BBS7: variants seen among roughly 807,000 people sequenced by gnomAD.
BBS7 encodes the protein Bardet-Biedl syndrome 7, also known as BBSome complex member BBS7.
In BBS7, 50 loss-of-function variants were observed where a neutral mutation model predicts 90.3. The ratio of observed to expected loss-of-function variants is 0.55; its 90% CI spans 0.44 to 0.70. The LOEUF is 0.70. BBS7 is among the 30% of genes least tolerant of loss of function. The pLI is 0.00. For synonymous variants in BBS7, 235 were observed against 287.4 expected (o/e 0.82, Z 1.85); for missense variants, 729 against 838.9 (o/e 0.87, Z 1.62).
Position 121,825,639 on chromosome 4 carries a change from T to A in BBS7, c.*221A>T. The stretch of plus-strand genomic sequence containing the variant: ...ATTCATTAAAATCCTATTTAAATCA[T>A]TCTACTTGTGTTTTAAAAATAAAAA... On this transcript the variant is annotated 3_prime_UTR_variant, in exon 19 of 19. Transcript: ENST00000264499. The A allele has an allele frequency of 2.3e-6, 1 of 436,284 alleles. No homozygotes were observed. Among genetic ancestry groups the A allele is most frequent in the East Asian group, 4.0e-5 (1 of 24,800 alleles). The allele number at this position is 436,284 out of a possible 1,614,324, so 27.0% of individuals were successfully genotyped here. A position where few individuals can be genotyped will look rare whatever the true frequency, so the allele number is the denominator to read the frequency against.
At chr4:121,853,165 A>C (rs959414992) in intron 7 of BBS7, 79 bp from the exon 8 acceptor site, 6 of 1,484,298 alleles carry the variant, frequency 4.0e-6, no homozygotes, top group Non-Finnish European at 5.6e-6. Context: ...GAATGAAAAA[A>C]ACACACATAC....
intron 13 of BBS7, among the ~76,000 whole-genome samples, chr4:121,836,115 C>A (rs913604431): frequency 6.6e-6 from 1 of 152,070 alleles, no homozygotes; most frequent in African/African-American, 2.4e-5. Flanking sequence ...ACTGGAAATT[C>A]TTTTGGGCTA....
At chr4:121,836,960 T>C (rs544361195) in intron 13 of BBS7, among the ~76,000 whole-genome samples, 1 of 135,578 alleles carries the variant, frequency 7.4e-6, no homozygotes, top group Admixed American at 7.6e-5. Flanking sequence ...GTGTTTTGGG[T>C]TTTTTTTGTT....
intron 14 of BBS7, 116 bp downstream of exon 14, chr4:121,835,028 T>C: frequency 9.7e-7 from 1 of 1,025,672 alleles, no homozygotes; most frequent in Non-Finnish European, 1.4e-6. Context: ...TTTAAACTGT[T>C]TATTTAATTT....
intron 2 of BBS7, among the ~76,000 whole-genome samples, chr4:121,865,450 G>A (rs887558159): frequency 6.6e-6 from 1 of 152,110 alleles, no homozygotes; most frequent in African/African-American, 2.4e-5. Flanking sequence ...TGTTGGCCAG[G>A]CTGGTCTCCA....
chr4:121,855,878 A>G (rs978687618), intron 5 of BBS7, among the ~76,000 whole-genome samples: 2 of 143,636 alleles, frequency 1.4e-5, no homozygotes, highest in African/African-American at 5.5e-5. Flanking sequence ...ATGTATATGT[A>G]CATATATGTA....
In BBS7 at chr4:121,825,519, TTA is replaced by T. The variant is rs1724866510; in HGVS notation, c.*339_*340del. On this transcript the variant is annotated 3_prime_UTR_variant, in exon 19 of 19. Transcript: ENST00000264499. The stretch of plus-strand genomic sequence containing the variant: ...GAAGCCTATAAAGCGGTCTACATGT[TTA>T]TGTGTTTATGTACCTTGTAATACAT... 5.4e-6 allele frequency: 1 copy of T among 186,352 alleles called. No homozygotes were observed. Among genetic ancestry groups the T allele is most frequent in the East Asian group, 1.4e-4 (1 of 7,038 alleles). 11.5% of individuals were successfully genotyped at this position (186,352 alleles called of 1,614,324 possible).
At chr4:121,838,903 CAAAA>C (rs35360596) in intron 13 of BBS7, among the ~76,000 whole-genome samples, 1 of 103,742 alleles carries the variant, frequency 9.6e-6, no homozygotes. Flanking sequence ...GACTCCATCT[CAAAA>C]AAAAAAAAAA....
At chr4:121,831,280 G>GA (rs1239436854) in intron 15 of BBS7, among the ~76,000 whole-genome samples, 6 of 151,992 alleles carry the variant, frequency 3.9e-5, no homozygotes, top group East Asian at 1.9e-4. Context: ...AGACAAGTAA[G>GA]AAAAAATGCT....
intron 5 of BBS7, among the ~76,000 whole-genome samples, chr4:121,855,840 A>G (rs1367211291): frequency 6.6e-6 from 1 of 151,600 alleles, no homozygotes; most frequent in Non-Finnish European, 1.5e-5. Flanking sequence ...ACACATATGT[A>G]TACATATATG....
In BBS7 at chr4:121,833,278, A is replaced by G; in HGVS notation, c.1629T>C (p.Phe543=). 6.2e-7 allele frequency: 1 copy of G among 1,614,040 alleles called. No homozygotes were observed. ...EKPPAGECVT[F]YFQNTFLDTQ... is the part of the protein sequence containing the mutation. ...TATCTAGAAAGGTGTTCTGAAAGTA[A>G]AATGTCACACATTCTCCTGCTGGAG... The change falls in exon 15 of 19, where the codon TTT becomes TTC. Residue 543 remains phenylalanine (F), a synonymous_variant. Transcript: ENST00000264499.
chr4:121,832,032 ACACACACACACAAAAC>A (rs1220186474), intron 15 of BBS7, among the ~76,000 whole-genome samples: 1 of 150,860 alleles, frequency 6.6e-6, no homozygotes, highest in Non-Finnish European at 1.5e-5. Context: ...ACACACACAC[ACACACACACACAAAAC>A]AAACAACCTA....
intron 4 of BBS7, 42 bp downstream of exon 4, chr4:121,861,462 T>C: frequency 6.4e-7 from 1 of 1,573,804 alleles, no homozygotes; most frequent in Non-Finnish European, 8.7e-7. Flanking sequence ...CAAAATATTA[T>C]AAATAAGTAT....
intron 5 of BBS7, chr4:121,858,684 A>C (rs1490237745): frequency 3.7e-6 from 1 of 269,550 alleles, no homozygotes; most frequent in Non-Finnish European, 7.1e-6. Context: ...TGGAAGAAGA[A>C]AACAAAACAA....
chr4:121,854,346 G>A (rs1247341704), intron 7 of BBS7, among the ~76,000 whole-genome samples: 1 of 152,076 alleles, frequency 6.6e-6, no homozygotes, highest in African/African-American at 2.4e-5. Context: ...AATATTCTCT[G>A]ACCCACTGCA....
At chr4:121,842,571 G>A (rs1453942171) in intron 12 of BBS7, among the ~76,000 whole-genome samples, 1 of 152,048 alleles carries the variant, frequency 6.6e-6, no homozygotes, top group Non-Finnish European at 1.5e-5. Flanking sequence ...AGGAGGTCGA[G>A]GCTGCAGCGA....
In BBS7 at chr4:121,830,473, A is replaced by G. The variant is rs1319253051; in HGVS notation, c.1677-1745T>C. Among the ~76,000 whole-genome samples, 4 of 152,328 alleles carry G rather than the reference A, an allele frequency of 2.6e-5. No individual in the cohort carries two copies. In the South Asian group the frequency reaches 6.2e-4, roughly 24 times the overall value. ...ATACACCCTTACTACTTTGATCTCA[A>G]TTATGTTTTAGAAATCATGACATTT... On this transcript the variant is annotated intron_variant, in intron 15 of 18. Transcript: ENST00000264499.
At chr4:121,849,583 CT>C (rs141341571) in intron 8 of BBS7, among the ~76,000 whole-genome samples, 41,104 of 152,078 alleles carry the variant, frequency 0.27, 6,177 homozygotes, top group Non-Finnish European at 0.32. Flanking sequence ...AATCCCAGCA[CT>C]TTGGGAAGCC....
At chr4:121,862,622 A>T (rs1727044278) in intron 3 of BBS7, among the ~76,000 whole-genome samples, 1 of 152,242 alleles carries the variant, frequency 6.6e-6, no homozygotes, top group Non-Finnish European at 1.5e-5. Flanking sequence ...ATTATGCTAC[A>T]TAAGATTCTT....
Sources: allele counts gnomAD v4.1 joint callset (sites outside exome capture counted in the v4.1 genomes callset), GRCh38; gene constraint gnomAD v4.1.1; transcripts MANE v1.5; gene names NCBI Gene and HGNC (gene_info 2026-07-23, HGNC 2026-07-21).